Variants in CCDC92B observed in about 807,000 individuals in gnomAD.
The protein encoded by CCDC92B is coiled-coil domain containing 92B.
Under a neutral mutation model 5.6 loss-of-function variants are expected in CCDC92B, and 2 were observed. The ratio of observed to expected loss-of-function variants is 0.36; its 90% CI spans 0.15 to 1.12. CCDC92B has a LOEUF of 1.12. Among genes scored for constraint, CCDC92B ranks in the 50% most tolerant of loss-of-function variants. The pLI, the probability that CCDC92B is intolerant of heterozygous loss-of-function variation, is 0.40. For synonymous variants in CCDC92B, 115 were observed against 122.3 expected (o/e 0.94, Z 0.39); for missense variants, 271 against 262.2 (o/e 1.03, Z -0.23).
intron 1 of CCDC92B, among the ~76,000 whole-genome samples, chr17:2,748,964 G>A (rs1418875184): frequency 6.6e-6 from 1 of 152,144 alleles, no homozygotes; most frequent in African/African-American, 2.4e-5. Flanking sequence ...GCAAAGCTGA[G>A]GATCCAGTCA....
chr17:2,736,081 AT>A (rs2070854160), intron 1 of CCDC92B, among the ~76,000 whole-genome samples: 3 of 152,310 alleles, frequency 2.0e-5, no homozygotes, highest in Admixed American at 6.5e-5. Flanking sequence ...GATCTGGTGA[AT>A]GTTTCACTAA....
At chr17:2,746,067 C>G (rs1246697237) in intron 1 of CCDC92B, among the ~76,000 whole-genome samples, 1 of 152,000 alleles carries the variant, frequency 6.6e-6, no homozygotes, top group South Asian at 2.1e-4. Context: ...CTGCAACCTT[C>G]GCCTCCCCGA....
intron 2 of CCDC92B, among the ~76,000 whole-genome samples, chr17:2,732,385 G>C (rs1337777603): frequency 6.6e-6 from 1 of 152,146 alleles, no homozygotes; most frequent in Non-Finnish European, 1.5e-5. Flanking sequence ...CCCAAGAGTG[G>C]CTGCTCTAGC....
Position 2,724,417 on chromosome 17 carries a change from C to G in CCDC92B, c.762G>C (p.Pro254=). The G allele has an allele frequency of 2.0e-6, 2 of 984,706 alleles. No individual in the cohort carries two copies. The highest frequency in any genetic ancestry group is 2.4e-6 in the Non-Finnish European group (2 of 829,742). 61.0% of individuals were successfully genotyped at this position (984,706 alleles called of 1,614,324 possible). A position where few individuals can be genotyped will look rare whatever the true frequency, so the allele number is the denominator to read the frequency against. Reference sequence around the variant, plus strand: ...ACCCCGGCCAGCCTGGCGCCTACTCCGGGTCCCCGGGCGCGCTGGGCTGGC... The same window carrying G: ...ACCCCGGCCAGCCTGGCGCCTACTCGGGGTCCCCGGGCGCGCTGGGCTGGC... ...APSQPSAPGD[P]E is the part of the protein sequence containing the mutation. Residue 254 remains proline (P), a synonymous_variant, in exon 4 of 4, where the codon CCG becomes CCC. Coordinates refer to ENST00000614400, the MANE Select transcript of CCDC92B (RefSeq NM_001355573.2). The surrounding 1 kb of genome is among the most constrained non-coding windows in gnomAD (Gnocchi z 5.0).
At chr17:2,739,686 A>AATAG (rs148711292) in intron 1 of CCDC92B, among the ~76,000 whole-genome samples, 25 of 152,186 alleles carry the variant, frequency 1.6e-4, no homozygotes, top group Admixed American at 2.6e-4. Context: ...GTCTCAAAAA[A>AATAG]ATAGATAGAT....
At chr17:2,725,888 C>T (rs1358805608) in intron 3 of CCDC92B, among the ~76,000 whole-genome samples, 1 of 150,880 alleles carries the variant, frequency 6.6e-6, no homozygotes, top group East Asian at 2.0e-4. Flanking sequence ...GAGGGAACAG[C>T]TTGTGTAAAA....
chr17:2,744,976 G>T (rs2070968419), intron 1 of CCDC92B, among the ~76,000 whole-genome samples: 1 of 143,026 alleles, frequency 7.0e-6, no homozygotes, highest in African/African-American at 2.5e-5. Flanking sequence ...GAGGTGGGAG[G>T]ATTACTTGAG....
chr17:2,740,966 A>C (rs1456497854), intron 1 of CCDC92B, among the ~76,000 whole-genome samples: 1 of 39,726 alleles, frequency 2.5e-5, no homozygotes, highest in African/African-American at 2.3e-4. Context: ...ACCCTGTCTC[A>C]AAAAAAAAAA....
At chr17:2,744,467 C>T (rs944273788) in intron 1 of CCDC92B, among the ~76,000 whole-genome samples, 2 of 152,166 alleles carry the variant, frequency 1.3e-5, no homozygotes, top group Admixed American at 1.3e-4. Flanking sequence ...GCTGGGATTA[C>T]AGGCATGACC....
At chr17:2,732,287 C>T (rs1213679226) in intron 2 of CCDC92B, among the ~76,000 whole-genome samples, 1 of 152,212 alleles carries the variant, frequency 6.6e-6, no homozygotes, top group Non-Finnish European at 1.5e-5. Context: ...CCTCCCAGCT[C>T]TGGGTCCCTC....
intron 1 of CCDC92B, among the ~76,000 whole-genome samples, chr17:2,743,717 T>TC (rs2070950738): frequency 6.6e-6 from 1 of 152,168 alleles, no homozygotes; most frequent in Non-Finnish European, 1.5e-5. Flanking sequence ...CCTATTCCCC[T>TC]CCTTCATTCA....
At chr17:2,734,310 C>T (rs1185764467) in intron 2 of CCDC92B, among the ~76,000 whole-genome samples, 13 of 152,158 alleles carry the variant, frequency 8.5e-5, no homozygotes, top group Admixed American at 7.2e-4. Context: ...ACCTGCTCCT[C>T]AAGCTGGACA....
chr17:2,749,005 G>GC (rs150297918), intron 1 of CCDC92B, among the ~76,000 whole-genome samples: 3 of 152,266 alleles, frequency 2.0e-5, no homozygotes, highest in East Asian at 1.9e-4. Flanking sequence ...GGAAACTGGA[G>GC]CCCCCCACCC....
At chr17:2,726,870 C>A (rs1039195983) in intron 3 of CCDC92B, among the ~76,000 whole-genome samples, 2 of 151,826 alleles carry the variant, frequency 1.3e-5, no homozygotes, top group Non-Finnish European at 2.9e-5. Flanking sequence ...GCCTCGGACT[C>A]CCAGAGTGCT....
chr17:2,746,233 C>T (rs974105229), intron 1 of CCDC92B, among the ~76,000 whole-genome samples: 1 of 152,136 alleles, frequency 6.6e-6, no homozygotes, highest in Non-Finnish European at 1.5e-5. Context: ...CCATTTGCCT[C>T]GGACTCCCAA....
At chr17:2,736,474 T>C (rs927295552) in intron 1 of CCDC92B, among the ~76,000 whole-genome samples, 9 of 151,836 alleles carry the variant, frequency 5.9e-5, no homozygotes, top group Admixed American at 5.3e-4. Flanking sequence ...AGGCCAGCCG[T>C]GGTGGCTCAC....
Position 2,732,647 on chromosome 17 carries a change from G to T in CCDC92B, c.131-2154C>A, listed in dbSNP as rs556449157. Among the ~76,000 whole-genome samples the T allele has an allele frequency of 7.2e-5, 11 of 152,096 alleles. No homozygotes were observed. In the South Asian group the frequency reaches 2.3e-3, roughly 32 times the overall value. On this transcript the variant is annotated intron_variant, in intron 2 of 3. Coordinates refer to ENST00000614400, the MANE Select transcript of CCDC92B (RefSeq NM_001355573.2). ...CAGGAGAATTGCTTGAACCCGGGAG[G>T]CAGAGGTTTCAGTGAGCTGAGATCG...
In CCDC92B at chr17:2,723,789, G is replaced by A. The variant is rs1338029832; in HGVS notation, c.*622C>T. On this transcript the variant is annotated 3_prime_UTR_variant, in exon 4 of 4. Coordinates refer to ENST00000614400, the MANE Select transcript of CCDC92B (RefSeq NM_001355573.2). ...CCTCTCCCAGGGCCCATGGAAGTTA[G>A]GCTTCCATCAGGCGCACTTTTCCCA... is the stretch of plus-strand genomic sequence containing the variant. The A allele has an allele frequency of 4.5e-6, 1 of 221,160 alleles. No homozygotes were observed. Among genetic ancestry groups the A allele is most frequent in the East Asian group, 1.8e-4 (1 of 5,422 alleles). 13.7% of individuals were successfully genotyped at this position (221,160 alleles called of 1,614,324 possible).
At chr17:2,727,300 C>T (rs552318055) in intron 3 of CCDC92B, among the ~76,000 whole-genome samples, 17 of 152,332 alleles carry the variant, frequency 1.1e-4, no homozygotes, top group Admixed American at 3.9e-4. Context: ...GTTTCCTGGG[C>T]GCTATGAAAG....
Sources: gnomAD v4.1 joint callset for allele counts (sites outside exome capture counted in the v4.1 genomes callset) on GRCh38, gnomAD v4.1.1 for gene constraint, Gnocchi (gnomAD v3.1) non-coding constraint, MANE v1.5 for transcripts, NCBI Gene and HGNC (gene_info 2026-07-23, HGNC 2026-07-21) for gene names.